NEK7: variants seen among roughly 807,000 people sequenced by gnomAD.
The protein encoded by NEK7 is serine/threonine-protein kinase Nek7.
Under a neutral mutation model 44.6 loss-of-function variants are expected in NEK7, and 18 were observed. That is an observed-to-expected ratio of 0.40 (90% CI 0.28 to 0.60). NEK7 has a LOEUF of 0.60. Among genes scored for constraint, NEK7 ranks in the 20% least tolerant of loss-of-function variants. The pLI is 0.38. For missense variants in NEK7, 256 were observed against 366.5 expected, an observed-to-expected ratio of 0.70 and a Z score of 2.46; for synonymous variants, 130 against 121.1, an observed-to-expected ratio of 1.07 and a Z score of -0.48.
chr1:198,207,976 CTATT>C (rs1558056401), intron 1 of NEK7, among the ~76,000 whole-genome samples: 1 of 152,146 alleles, frequency 6.6e-6, no homozygotes. Flanking sequence ...ATTTATCTCT[CTATT>C]TATGTGTTGG....
At chr1:198,287,199 AG>A (rs1383336418) in intron 7 of NEK7, among the ~76,000 whole-genome samples, 1 of 152,056 alleles carries the variant, frequency 6.6e-6, no homozygotes, top group African/African-American at 2.4e-5. Flanking sequence ...GAGAGGTTCT[AG>A]GCTGGGTGCG....
At chr1:198,290,214 C>A (rs180876689) in intron 7 of NEK7, among the ~76,000 whole-genome samples, 22 of 152,312 alleles carry the variant, frequency 1.4e-4, no homozygotes, top group Admixed American at 3.3e-4. Flanking sequence ...CTTCTCAATA[C>A]ATAGGACAGT....
At chr1:198,222,598 A>G (rs67198867) in intron 1 of NEK7, among the ~76,000 whole-genome samples, 30,120 of 151,934 alleles carry the variant, frequency 0.2, 3,561 homozygotes, top group African/African-American at 0.31. Flanking sequence ...CACCCACCAT[A>G]TCTAATCAGT....
chr1:198,235,365 C>G (rs533407773), intron 2 of NEK7, among the ~76,000 whole-genome samples: 2 of 152,046 alleles, frequency 1.3e-5, no homozygotes, highest in Admixed American at 6.6e-5. Flanking sequence ...AGCTCCACTC[C>G]TTCCCACCCT....
intron 1 of NEK7, among the ~76,000 whole-genome samples, chr1:198,167,347 T>G (rs553312779): frequency 6.6e-6 from 1 of 152,320 alleles, no homozygotes; most frequent in Admixed American, 6.5e-5. Flanking sequence ...ATTTTCAAAT[T>G]TCTGATGTTT....
rs1571576814 is a variant in NEK7, at chr1:198,253,112, C to G, written c.130C>G (p.Gln44Glu). ...FRIEKKIGRG[Q>E]FSEVYRAACL... The stretch of plus-strand genomic sequence containing the variant: ...AATAGAAAAGAAAATTGGTCGCGGA[C>G]AATTTAGTGAAGTTTATAGAGCAGC... The change falls in exon 3 of 10, where the codon CAA becomes GAA. Residue 44 changes from glutamine to glutamate, a missense_variant. Around this residue, in one of 3 missense-constraint regions of NEK7, gnomAD observed 96 missense variants for 94.9 expected, o/e 1.01. Transcript: ENST00000367385. The G allele has an allele frequency of 1.2e-6, 2 of 1,612,040 alleles. No individual in the cohort carries two copies. Among genetic ancestry groups the G allele is most frequent in the East Asian group, 4.5e-5 (2 of 44,806 alleles).
At position 198,290,658 on chromosome 1, in the gene NEK7, G is replaced by A. The variant is rs1266857283; in HGVS notation, c.590-2287G>A. On this transcript the variant is annotated intron_variant, in intron 7 of 9. Transcript: ENST00000367385. ...AATTTATCCTATTAATAATTATAGT[G>A]CAGAATACAAAGTTACTCATCTTAT... is the stretch of plus-strand genomic sequence containing the variant. 4.6e-5 allele frequency among the ~76,000 whole-genome samples: 7 copies of A among 152,100 alleles called. 1 individual carries two copies. Among genetic ancestry groups the A allele is most frequent in the Non-Finnish European group, 1.0e-4 (7 of 67,998 alleles).
In NEK7 at chr1:198,239,787, A is replaced by T. The variant is rs558692373; in HGVS notation, c.57+7150A>T. The stretch of plus-strand genomic sequence containing the variant: ...AGTCCCGAGTCACCTAACATCAGGG[A>T]TTCATTCTGAGAACTGCATTGTCAG... On this transcript the variant is annotated intron_variant, in intron 2 of 9. Transcript: ENST00000367385. 4.9e-3 allele frequency among the ~76,000 whole-genome samples: 747 copies of T among 152,206 alleles called. 3 individuals are homozygous for T. Among genetic ancestry groups the T allele is most frequent in the African/African-American group, 0.017 (705 of 41,506 alleles).
intron 7 of NEK7, among the ~76,000 whole-genome samples, chr1:198,282,750 A>G (rs1246197532): frequency 6.6e-6 from 1 of 152,160 alleles, no homozygotes. Context: ...GGAGTTCTCC[A>G]GGTACAATTT....
chr1:198,160,429 C>G (rs1664070142), intron 1 of NEK7, among the ~76,000 whole-genome samples: 1 of 152,004 alleles, frequency 6.6e-6, no homozygotes, highest in Non-Finnish European at 1.5e-5. Context: ...GTCCTCATTC[C>G]CGGTTTCATT....
chr1:198,306,661 A>G (rs930776304), intron 9 of NEK7, among the ~76,000 whole-genome samples: 2 of 152,162 alleles, frequency 1.3e-5, no homozygotes, highest in African/African-American at 4.8e-5. Context: ...TATGATTGTT[A>G]TTTAGTCTTA....
At chr1:198,236,056 A>G (rs1201565431) in intron 2 of NEK7, among the ~76,000 whole-genome samples, 1 of 152,140 alleles carries the variant, frequency 6.6e-6, no homozygotes, top group African/African-American at 2.4e-5. Flanking sequence ...GAGGGATGAA[A>G]TAAAGTTTAC....
intron 1 of NEK7, among the ~76,000 whole-genome samples, chr1:198,210,421 A>G (rs1298183015): frequency 6.6e-6 from 1 of 152,088 alleles, no homozygotes; most frequent in African/African-American, 2.4e-5. Context: ...CTAGTGTTCT[A>G]TTTTATGTAT....
At chr1:198,271,934 C>T (rs1379923361) in intron 5 of NEK7, among the ~76,000 whole-genome samples, 2 of 141,140 alleles carry the variant, frequency 1.4e-5, no homozygotes, top group African/African-American at 2.6e-5. Flanking sequence ...TACACACACA[C>T]ACACACACAT....
chr1:198,317,671 A>G (rs1015020141), intron 9 of NEK7, among the ~76,000 whole-genome samples: 9 of 152,012 alleles, frequency 5.9e-5, no homozygotes, highest in Non-Finnish European at 1.0e-4. Flanking sequence ...GCATGCATCT[A>G]CTTGTATTTT....
At chr1:198,165,517 G>A (rs12408738) in intron 1 of NEK7, among the ~76,000 whole-genome samples, 9 of 152,090 alleles carry the variant, frequency 5.9e-5, no homozygotes, top group African/African-American at 2.2e-4. Context: ...TAGGTACATT[G>A]TCAATTAGTA....
chr1:198,184,754 G>A (rs1047929457), intron 1 of NEK7, among the ~76,000 whole-genome samples: 11 of 151,956 alleles, frequency 7.2e-5, no homozygotes, highest in African/African-American at 2.2e-4. Context: ...CTGCGGCTTC[G>A]AACTCCAGGG....
At chr1:198,307,697 T>C (rs1193612529) in intron 9 of NEK7, among the ~76,000 whole-genome samples, 1 of 152,124 alleles carries the variant, frequency 6.6e-6, no homozygotes, top group Non-Finnish European at 1.5e-5. Context: ...CAGACCAATC[T>C]CTGAGTGGAA....
intron 1 of NEK7, chr1:198,197,962 G>A: frequency 6.5e-7 from 1 of 1,540,618 alleles, no homozygotes; most frequent in East Asian, 2.3e-5. Flanking sequence ...TGGGTATGGA[G>A]GAGGGTAGGG....
Sources: gnomAD v4.1 joint callset for allele counts (sites outside exome capture counted in the v4.1 genomes callset) on GRCh38, gnomAD v4.1.1 for gene constraint, gnomAD v4.1.1 regional missense constraint, MANE v1.5 for transcripts, NCBI Gene and HGNC (gene_info 2026-07-23, HGNC 2026-07-21) for gene names.